RHOU: variants seen among roughly 807,000 people sequenced by gnomAD.
RHOU encodes rho-related GTP-binding protein RhoU.
RHOU carries 8 observed loss-of-function variants against 12.6 expected under a neutral mutation model. The observed-to-expected ratio is 0.64, with a 90% CI of 0.37 to 1.15. The LOEUF (loss-of-function observed/expected upper bound fraction) is 1.15, where lower values mean the gene tolerates loss of function less well. RHOU is among the 50% of genes most tolerant of loss of function. The pLI, the probability that RHOU is intolerant of heterozygous loss-of-function variation, is 0.01. For missense variants in RHOU, 258 were observed against 347.0 expected, an observed-to-expected ratio of 0.74 and a Z score of 2.04; for synonymous variants, 161 against 147.4, an observed-to-expected ratio of 1.09 and a Z score of -0.67.
chr1:228,720,695 G>T, the RHOU span, among the ~76,000 whole-genome samples: 1 of 152,156 alleles, frequency 6.6e-6, no homozygotes, highest in African/African-American at 2.4e-5. Flanking sequence ...AAATTTCTGT[G>T]GTTTAAGAAC....
chr1:228,704,601 G>T, the RHOU span, among the ~76,000 whole-genome samples: 2 of 151,640 alleles, frequency 1.3e-5, no homozygotes, highest in African/African-American at 2.4e-5. Context: ...GGGATTATAG[G>T]TGTGCACCAC....
the RHOU span, among the ~76,000 whole-genome samples, chr1:228,648,854 C>G: frequency 2.9e-5 from 4 of 137,988 alleles, no homozygotes; most frequent in South Asian, 2.4e-4. Flanking sequence ...TTCTCTTCCT[C>G]TCTCTCTTTC....
the RHOU span, among the ~76,000 whole-genome samples, chr1:228,656,416 G>A: frequency 1.3e-5 from 2 of 152,010 alleles, no homozygotes; most frequent in African/African-American, 4.8e-5. Context: ...TAAAAATTAC[G>A]CTTTTCCCAA....
chr1:228,709,439 C>T, the RHOU span, among the ~76,000 whole-genome samples: 10 of 150,682 alleles, frequency 6.6e-5, no homozygotes, highest in South Asian at 8.5e-4. Flanking sequence ...TGTAAAAGAA[C>T]AGAAATTATA....
At chr1:228,680,659 C>G in the RHOU span, among the ~76,000 whole-genome samples, 1 of 152,098 alleles carries the variant, frequency 6.6e-6, no homozygotes, top group African/African-American at 2.4e-5. Context: ...CAGGAGCTGA[C>G]TGGGTGATAA....
At chr1:228,710,766 T>G in the RHOU span, among the ~76,000 whole-genome samples, 4 of 151,790 alleles carry the variant, frequency 2.6e-5, no homozygotes, top group Non-Finnish European at 4.4e-5. Context: ...AGGGATGCCC[T>G]CTCTCACCAC....
chr1:228,712,573 A>C, the RHOU span, among the ~76,000 whole-genome samples: 1 of 149,326 alleles, frequency 6.7e-6, no homozygotes, highest in Non-Finnish European at 1.5e-5. Flanking sequence ...AAAAACCAAA[A>C]ACCGCATATT....
the RHOU span, among the ~76,000 whole-genome samples, chr1:228,662,893 T>C: frequency 6.6e-6 from 1 of 151,948 alleles, no homozygotes. Context: ...CCCTCAAGGG[T>C]CTAAAGAATG....
At chr1:228,659,625 A>G in the RHOU span, among the ~76,000 whole-genome samples, 1 of 152,076 alleles carries the variant, frequency 6.6e-6, no homozygotes, top group South Asian at 2.1e-4. Context: ...AGAAAAAAAG[A>G]GAGAAGACTC....
Position 228,743,990 on chromosome 1 carries a change from G to T in RHOU, c.*250G>T. ...CATTTTTCACATCTCTGGAAATTTA[G>T]AGTTCTAGACCTCTGGTTAATTTAT... On this transcript the variant is annotated 3_prime_UTR_variant, in exon 3 of 3. Coordinates refer to ENST00000366691, the MANE Select transcript of RHOU (RefSeq NM_021205.6). This position sits in a 1 kb window ranked among gnomAD's most constrained non-coding sequence, Gnocchi z 5.1. The T allele has an allele frequency of 2.4e-6, 1 of 419,488 alleles. No homozygotes were observed. Among genetic ancestry groups the T allele is most frequent in the Non-Finnish European group, 4.2e-6 (1 of 235,482 alleles). The allele number at this position is 419,488 out of a possible 1,614,324, so 26.0% of individuals were successfully genotyped here. A position where few individuals can be genotyped will look rare whatever the true frequency, so the allele number is the denominator to read the frequency against.
chr1:228,743,530 G>A lies in RHOU; in HGVS notation c.567G>A (p.Lys189=). 1 of 1,614,200 alleles carries A rather than the reference G, an allele frequency of 6.2e-7. No individual in the cohort carries two copies. Among genetic ancestry groups the A allele is most frequent in the East Asian group, 2.2e-5 (1 of 44,884 alleles). ...KEKPVPEEAA[K]LCAEEIKAAS... is the part of the protein sequence containing the mutation. ...AGCCAGTGCCTGAAGAGGCGGCTAA[G>A]CTGTGCGCCGAGGAAATCAAAGCCG... Residue 189 remains lysine, a synonymous_variant, in exon 3 of 3, where the codon AAG becomes AAA. Coordinates refer to ENST00000366691, the MANE Select transcript of RHOU (RefSeq NM_021205.6). This position sits in a 1 kb window ranked among gnomAD's most constrained non-coding sequence, Gnocchi z 5.1.
chr1:228,719,479 C>T, the RHOU span, among the ~76,000 whole-genome samples: 16 of 152,164 alleles, frequency 1.1e-4, no homozygotes, highest in African/African-American at 3.9e-4. Context: ...CCTGTAGTCC[C>T]CGCACTTTGG....
At chr1:228,694,979 A>G in the RHOU span, among the ~76,000 whole-genome samples, 637 of 152,176 alleles carry the variant, frequency 4.2e-3, 5 homozygotes, top group African/African-American at 0.015. Context: ...TTATTTATTT[A>G]TTTATTTTGA....
chr1:228,710,912 C>T, the RHOU span, among the ~76,000 whole-genome samples: 1 of 151,992 alleles, frequency 6.6e-6, no homozygotes, highest in Non-Finnish European at 1.5e-5. Context: ...CTAGAAAACC[C>T]CATTGTCTCA....
Position 228,735,990 on chromosome 1 carries a change from T to G in RHOU, c.248T>G (p.Phe83Cys). The G allele has an allele frequency of 6.3e-7, 1 of 1,575,566 alleles. No homozygotes were observed. The highest frequency in any genetic ancestry group is 8.6e-7 in the Non-Finnish European group (1 of 1,167,316). Residue 83 changes from phenylalanine (F) to cysteine (C), a missense_variant, in exon 1 of 3, where the codon TTC becomes TGC. Coordinates refer to ENST00000366691, the MANE Select transcript of RHOU (RefSeq NM_021205.6). The surrounding 1 kb of genome is among the most constrained non-coding windows in gnomAD (Gnocchi z 8.1). ...GYPTEYIPTA[F>C]DNFSAVVSVD... The stretch of plus-strand genomic sequence containing the variant: ...CCCACCGAGTACATCCCTACTGCCT[T>G]CGACAACTTCTCCGGTGAGCTGGCC...
chr1:228,737,974 G>A lies in RHOU; in HGVS notation c.321+243G>A, dbSNP rs1447754922. Reference sequence around the variant, plus strand: ...GGCCCAGCTCTGCGTAACCAGGCAAGGGAGGAAGCAGTGTCAAGAACAGCT... The same window carrying A: ...GGCCCAGCTCTGCGTAACCAGGCAAAGGAGGAAGCAGTGTCAAGAACAGCT... On this transcript the variant is annotated intron_variant, in intron 2 of 2. Transcript: ENST00000366691. This position sits in a 1 kb window ranked among gnomAD's most constrained non-coding sequence, Gnocchi z 4.1. 6.6e-6 allele frequency among the ~76,000 whole-genome samples: 1 copy of A among 152,180 alleles called. No homozygotes were observed. Among genetic ancestry groups the A allele is most frequent in the African/African-American group, 2.4e-5 (1 of 41,426 alleles).
At chr1:228,706,213 G>A in the RHOU span, among the ~76,000 whole-genome samples, 3 of 152,144 alleles carry the variant, frequency 2.0e-5, no homozygotes, top group African/African-American at 7.2e-5. Context: ...TGATGCTCTT[G>A]TTGGTCACTG....
At chr1:228,677,802 C>A in the RHOU span, among the ~76,000 whole-genome samples, 1 of 152,104 alleles carries the variant, frequency 6.6e-6, no homozygotes, top group African/African-American at 2.4e-5. Context: ...TGAGGTAAAA[C>A]CAGGAGCCAC....
the RHOU span, among the ~76,000 whole-genome samples, chr1:228,700,796 A>C: frequency 6.6e-6 from 1 of 152,160 alleles, no homozygotes. Flanking sequence ...CATATAATCT[A>C]ACATATTAGG....
Sources: allele counts gnomAD v4.1 joint callset (sites outside exome capture counted in the v4.1 genomes callset), GRCh38; gene constraint gnomAD v4.1.1; non-coding constraint Gnocchi (gnomAD v3.1); transcripts MANE v1.5; gene names NCBI Gene and HGNC (gene_info 2026-07-23, HGNC 2026-07-21).